Variants in VWA5A observed in about 807,000 individuals in gnomAD.
The protein encoded by VWA5A is von Willebrand factor A domain containing 5A.
A neutral mutation model predicts 84.6 loss-of-function variants in VWA5A; 77 were observed. That is an observed-to-expected ratio of 0.91 (90% CI 0.76 to 1.10). The LOEUF is 1.10. Among genes scored for constraint, VWA5A ranks in the 50% least tolerant of loss-of-function variants. The probability of loss-of-function intolerance (pLI) is 0.00; values close to 1 mark genes in which losing one functional copy is unlikely to be tolerated. For missense variants in VWA5A, 973 were observed against 963.0 expected, an observed-to-expected ratio of 1.01 and a Z score of -0.14; for synonymous variants, 334 against 350.1, an observed-to-expected ratio of 0.95 and a Z score of 0.51.
chr11:124,136,282 G>T lies in VWA5A; in HGVS notation c.1513G>T (p.Gly505Trp). ...ATTAATCAGCTATGCCCAGCTGACC[G>T]GGAGGATGCCAGTGAGTTCCCATTC... ...QRLISYAQLT[G>W]RMPAAETTGE... The change falls in exon 13 of 19, where the codon GGG (glycine) becomes TGG (tryptophan). Residue 505 changes from glycine to tryptophan, a missense_variant. Transcript: ENST00000456829. 3 of 1,612,944 alleles carry T rather than the reference G, an allele frequency of 1.9e-6. No homozygotes were observed. The highest frequency in any genetic ancestry group is 1.7e-6 in the Non-Finnish European group (2 of 1,179,078).
At position 124,124,272 on chromosome 11, in the gene VWA5A, G is replaced by A. The variant is rs142206084; in HGVS notation, c.1200G>A (p.Thr400=). The A allele has an allele frequency of 1.7e-4, 270 of 1,613,928 alleles. 2 individuals are homozygous for A. In the South Asian group the frequency reaches 2.5e-3, roughly 15 times the overall value. ...TTACAGATGGAGAAGTTACAGACAC[G>A]TTTAGTGTAATTAAAGAAGTTAGGA... ...FVFTDGEVTD[T]FSVIKEVRIN... Residue 400 remains threonine (T), a synonymous_variant, in exon 11 of 19, where the codon ACG becomes ACA. Coordinates refer to ENST00000456829, the MANE Select transcript of VWA5A (RefSeq NM_001130142.2).
chr11:124,120,178 A>C (rs1008119672), intron 7 of VWA5A, among the ~76,000 whole-genome samples: 16 of 152,286 alleles, frequency 1.1e-4, no homozygotes, highest in African/African-American at 3.8e-4. Flanking sequence ...TTAGCTTCTT[A>C]ATAACTTTAG....
chr11:124,125,698 G>A (rs1269929925), intron 11 of VWA5A, among the ~76,000 whole-genome samples: 1 of 152,048 alleles, frequency 6.6e-6, no homozygotes, highest in Non-Finnish European at 1.5e-5. Flanking sequence ...TCTTTTTCCT[G>A]TTACTTATTT....
intron 15 of VWA5A, 134 bp from the exon 16 acceptor site, chr11:124,141,464 A>T: frequency 8.9e-7 from 1 of 1,122,318 alleles, no homozygotes; most frequent in Non-Finnish European, 1.3e-6. Flanking sequence ...TGGGCATATG[A>T]GAGAAAAATA....
chr11:124,146,165 A>T lies in VWA5A; in HGVS notation c.*220A>T, dbSNP rs1199463434. 2 of 443,930 alleles carry T rather than the reference A, an allele frequency of 4.5e-6. No individual in the cohort carries two copies. The highest frequency in any genetic ancestry group is 8.0e-6 in the Non-Finnish European group (2 of 249,260). The allele number at this position is 443,930 out of a possible 1,614,324, so 27.5% of individuals were successfully genotyped here. ...CTCAGAAAAGTGACAGTGGTCCCAG[A>T]ACCTATTCCCTTTCTTGAGGGAGTT... On this transcript the variant is annotated 3_prime_UTR_variant, in exon 19 of 19. Transcript: ENST00000456829.
chr11:124,124,026 C>CAG (rs1864978317), intron 10 of VWA5A, among the ~76,000 whole-genome samples: 1 of 152,214 alleles, frequency 6.6e-6, no homozygotes, highest in African/African-American at 2.4e-5. Flanking sequence ...AACTGAGATG[C>CAG]AGCTAGGAGG....
chr11:124,136,126 T>G lies in VWA5A; in HGVS notation c.1360-3T>G. On this transcript the variant is annotated splice_region_variant and splice_polypyrimidine_tract_variant and intron_variant, in intron 12 of 18. Transcript: ENST00000456829. ...GTTTATTCTGTTCTCTTCCCCACAT[T>G]AGGCTCTCAGGACTCTGAAACGCTC... 6.2e-7 allele frequency: 1 copy of G among 1,613,544 alleles called. No homozygotes were observed. The highest frequency in any genetic ancestry group is 8.5e-7 in the Non-Finnish European group (1 of 1,179,610).
At chr11:124,132,002 T>G (rs1015606903) in intron 11 of VWA5A, among the ~76,000 whole-genome samples, 1 of 152,010 alleles carries the variant, frequency 6.6e-6, no homozygotes, top group African/African-American at 2.4e-5. Context: ...TCCCTTTTAT[T>G]TCTGTTTTGA....
intron 9 of VWA5A, 69 bp downstream of exon 9, chr11:124,123,523 G>A: frequency 1.9e-6 from 3 of 1,598,540 alleles, no homozygotes; most frequent in Non-Finnish European, 2.6e-6. Flanking sequence ...ATTGTTAAAG[G>A]GGTTACTGCG....
chr11:124,136,867 AT>A (rs1860606362), intron 14 of VWA5A, 147 bp from the exon 15 acceptor site: 3 of 1,222,952 alleles, frequency 2.5e-6, no homozygotes, highest in Non-Finnish European at 3.3e-6. Flanking sequence ...TCCTACAATC[AT>A]TTTTTATTTC....
intron 11 of VWA5A, chr11:124,124,599 G>T (rs1864988974): frequency 1.8e-6 from 2 of 1,117,012 alleles, no homozygotes; most frequent in African/African-American, 3.3e-5. Flanking sequence ...CATTTTTAGA[G>T]AAGTAAAACA....
intron 11 of VWA5A, among the ~76,000 whole-genome samples, chr11:124,131,929 G>C (rs1356187831): frequency 6.6e-6 from 1 of 151,840 alleles, no homozygotes; most frequent in Non-Finnish European, 1.5e-5. Flanking sequence ...GCACGATTAA[G>C]TATGGTGTTT....
chr11:124,136,432 C>T, intron 13 of VWA5A, 139 bp downstream of exon 13: 2 of 1,440,156 alleles, frequency 1.4e-6, no homozygotes, highest in Non-Finnish European at 1.9e-6. Context: ...CCCATCATTT[C>T]AGGTCTCCGG....
intron 11 of VWA5A, among the ~76,000 whole-genome samples, chr11:124,127,999 A>G (rs919401055): frequency 6.6e-6 from 1 of 152,208 alleles, no homozygotes; most frequent in African/African-American, 2.4e-5. Flanking sequence ...TTTGCTGTGC[A>G]GAAGTTCTTT....
Position 124,146,072 on chromosome 11 carries a change from C to T in VWA5A, c.*127C>T. ...TTTTTTGCCATAAAAGTAAAGGATG[C>T]TTACTCCACTTCGCTTCTCTGCTCC... is the stretch of plus-strand genomic sequence containing the variant. On this transcript the variant is annotated 3_prime_UTR_variant, in exon 19 of 19. Transcript: ENST00000456829. 1.1e-6 allele frequency: 1 copy of T among 927,220 alleles called. No homozygotes were observed. The highest frequency in any genetic ancestry group is 1.6e-6 in the Non-Finnish European group (1 of 630,578). The allele number at this position is 927,220 out of a possible 1,614,324, so 57.4% of individuals were successfully genotyped here.
At chr11:124,136,408 T>A in intron 13 of VWA5A, 115 bp downstream of exon 13, 1 of 1,474,860 alleles carries the variant, frequency 6.8e-7, no homozygotes, top group Non-Finnish European at 9.2e-7. Context: ...CAAGTATAGC[T>A]AGCCTACTTC....
rs868782370 is a variant in VWA5A, at chr11:124,117,810, G to C, written c.181G>C (p.Val61Leu). The C allele has an allele frequency of 6.2e-7, 1 of 1,614,090 alleles. No individual in the cohort carries two copies. The highest frequency in any genetic ancestry group is 1.3e-5 in the African/African-American group (1 of 74,928). ...GTTCCCCATGGATGAAGACTCTGCT[G>C]TTTACAGCTTTGAGGCCTTGGTGGA... The part of the protein sequence containing the change: ...FVFPMDEDSA[V>L]YSFEALVDGK... Residue 61 changes from valine to leucine, a missense_variant, in exon 4 of 19, where the codon GTT becomes CTT. Val to Leu is a conservative substitution (Grantham distance 32). Transcript: ENST00000456829.
At chr11:124,145,442 C>A in intron 18 of VWA5A, 79 bp downstream of exon 18, 1 of 1,468,518 alleles carries the variant, frequency 6.8e-7, no homozygotes, top group South Asian at 1.5e-5. Context: ...GTCCCATTGT[C>A]ACCTGCCTCC....
In VWA5A at chr11:124,117,232, G is replaced by T. The variant is rs1364304688; in HGVS notation, c.-15-265G>T. ...ATACACTTTTGAGAAAGTGGAATTG[G>T]TATTTGAACCAGCCTCAGGGTGTTT... On this transcript the variant is annotated intron_variant, in intron 2 of 18. Coordinates refer to ENST00000456829, the MANE Select transcript of VWA5A (RefSeq NM_001130142.2). 5.7e-6 allele frequency: 3 copies of T among 530,430 alleles called. No individual in the cohort carries two copies. The East Asian group carries it at 9.8e-5, about 17-fold the overall frequency. 32.9% of individuals were successfully genotyped at this position (530,430 alleles called of 1,614,324 possible).
Sources: gnomAD v4.1 joint callset for allele counts (sites outside exome capture counted in the v4.1 genomes callset) on GRCh38, gnomAD v4.1.1 for gene constraint, MANE v1.5 for transcripts, NCBI Gene and HGNC (gene_info 2026-07-23, HGNC 2026-07-21) for gene names.